PTPRD: variants seen among roughly 807,000 people sequenced by gnomAD.
The protein encoded by PTPRD is protein tyrosine phosphatase receptor type D.
In PTPRD, 34 loss-of-function variants were observed where a neutral mutation model predicts 214.5. That is an observed-to-expected ratio of 0.16 (90% CI 0.12 to 0.21). The LOEUF is 0.21. Ranked by LOEUF, PTPRD falls within the 10% of genes least tolerant of loss-of-function variation. The pLI, the probability that PTPRD is intolerant of heterozygous loss-of-function variation, is 1.00. For synonymous variants in PTPRD, 1,128 were observed against 845.7 expected, an observed-to-expected ratio of 1.33 and a Z score of -5.79; for missense variants, 2,545 against 2,398.7, an observed-to-expected ratio of 1.06 and a Z score of -1.27.
chr9:9,602,332 T>G (rs2093834389), intron 7 of PTPRD, among the ~76,000 whole-genome samples: 1 of 152,072 alleles, frequency 6.6e-6, no homozygotes, highest in Non-Finnish European at 1.5e-5. Context: ...AAATATTTAA[T>G]ATAATAACAA....
intron 12 of PTPRD, among the ~76,000 whole-genome samples, chr9:8,648,911 T>A (rs1362127309): frequency 2.0e-5 from 3 of 152,224 alleles, no homozygotes; most frequent in African/African-American, 7.2e-5. Flanking sequence ...TCATTAATCA[T>A]AATTTATCAC....
chr9:9,046,389 T>A (rs1254956351), intron 10 of PTPRD, among the ~76,000 whole-genome samples: 1 of 152,198 alleles, frequency 6.6e-6, no homozygotes. Flanking sequence ...ATTGTTTTTA[T>A]AAAATTTTCT....
At chr9:10,058,895 C>G (rs1236011232) in intron 3 of PTPRD, among the ~76,000 whole-genome samples, 2 of 151,986 alleles carry the variant, frequency 1.3e-5, no homozygotes, top group Non-Finnish European at 2.9e-5. Flanking sequence ...ATAAAATAAC[C>G]TTAACTGAGA....
intron 11 of PTPRD, among the ~76,000 whole-genome samples, chr9:8,758,419 G>C (rs959926151): frequency 6.6e-6 from 1 of 152,066 alleles, no homozygotes; most frequent in African/African-American, 2.4e-5. Flanking sequence ...ATACAAATTA[G>C]GGTATGATAT....
At chr9:9,814,159 G>C (rs2048010408) in intron 5 of PTPRD, among the ~76,000 whole-genome samples, 1 of 151,978 alleles carries the variant, frequency 6.6e-6, no homozygotes, top group Admixed American at 6.6e-5. Flanking sequence ...CATAATAAAA[G>C]CCACATGTGA....
At chr9:8,414,309 A>T (rs1447201848) in intron 35 of PTPRD, among the ~76,000 whole-genome samples, 1 of 152,146 alleles carries the variant, frequency 6.6e-6, no homozygotes, top group African/African-American at 2.4e-5. Flanking sequence ...CTAAGCTATC[A>T]CCTGTGACAG....
At chr9:8,569,155 C>T (rs1204309617) in intron 14 of PTPRD, among the ~76,000 whole-genome samples, 1 of 152,092 alleles carries the variant, frequency 6.6e-6, no homozygotes, top group African/African-American at 2.4e-5. Context: ...GTGAAACTCT[C>T]TTTAGATACC....
At chr9:8,397,097 T>G (rs572743619) in intron 36 of PTPRD, among the ~76,000 whole-genome samples, 1 of 152,250 alleles carries the variant, frequency 6.6e-6, no homozygotes, top group East Asian at 1.9e-4. Context: ...ACTCAACAAA[T>G]AATTGGACAG....
chr9:8,394,098 G>T (rs1019664520), intron 36 of PTPRD, among the ~76,000 whole-genome samples: 1 of 151,914 alleles, frequency 6.6e-6, no homozygotes, highest in Non-Finnish European at 1.5e-5. Flanking sequence ...TTGATTGCTA[G>T]TTACAGTTTT....
chr9:8,811,497 T>C (rs1009355778), intron 11 of PTPRD, among the ~76,000 whole-genome samples: 4 of 152,218 alleles, frequency 2.6e-5, no homozygotes, highest in African/African-American at 4.8e-5. Flanking sequence ...AACAAAGCTC[T>C]GTTAGCTATA....
chr9:8,805,139 T>G (rs945480024), intron 11 of PTPRD, among the ~76,000 whole-genome samples: 1 of 152,050 alleles, frequency 6.6e-6, no homozygotes, highest in Non-Finnish European at 1.5e-5. Flanking sequence ...ATAAGAAGAA[T>G]GAAAGAAAAA....
intron 3 of PTPRD, among the ~76,000 whole-genome samples, chr9:10,044,832 G>C (rs1283113340): frequency 1.3e-5 from 2 of 151,666 alleles, no homozygotes; most frequent in Non-Finnish European, 3.0e-5. Context: ...GAATAGACAA[G>C]ACATGATTTT....
intron 10 of PTPRD, among the ~76,000 whole-genome samples, chr9:9,120,516 C>T (rs979980786): frequency 1.3e-5 from 2 of 152,170 alleles, no homozygotes; most frequent in Non-Finnish European, 2.9e-5. Flanking sequence ...CTGTGCATGC[C>T]TCCATTGCAT....
chr9:9,376,252 T>C (rs1207664166), intron 9 of PTPRD, among the ~76,000 whole-genome samples: 1 of 152,126 alleles, frequency 6.6e-6, no homozygotes, highest in Non-Finnish European at 1.5e-5. Flanking sequence ...GTAAAATTGT[T>C]TTCTCTATGG....
intron 14 of PTPRD, among the ~76,000 whole-genome samples, chr9:8,627,243 A>C (rs1238353227): frequency 6.6e-6 from 1 of 151,794 alleles, no homozygotes; most frequent in African/African-American, 2.4e-5. Context: ...CTTGTATATA[A>C]AGTAAAAATC....
chr9:9,381,884 G>T (rs1596759015), intron 9 of PTPRD, among the ~76,000 whole-genome samples: 1 of 146,786 alleles, frequency 6.8e-6, no homozygotes, highest in African/African-American at 2.5e-5. Context: ...GTGAAATTTA[G>T]TATTGTTTTG....
At chr9:8,321,440 G>T (rs1311538212) in intron 44 of PTPRD, among the ~76,000 whole-genome samples, 3 of 135,840 alleles carry the variant, frequency 2.2e-5, no homozygotes, top group Non-Finnish European at 4.7e-5. Context: ...CTAAATAAGA[G>T]GAAATATATA....
intron 9 of PTPRD, among the ~76,000 whole-genome samples, chr9:9,299,671 C>T (rs1221117695): frequency 2.0e-5 from 3 of 151,586 alleles, no homozygotes; most frequent in African/African-American, 7.2e-5. Context: ...GTGACTTGTG[C>T]CCAAAGTATT....
In PTPRD at chr9:10,466,486, G is replaced by C. The variant is rs777309626; in HGVS notation, c.-599-125469C>G. On this transcript the variant is annotated intron_variant, in intron 2 of 45. Transcript: ENST00000381196. ...TAAAAATACAAAATTGACCAGGCGT[G>C]GTGGCGCATGCCTGTAATCCCAGCT... Among the ~76,000 whole-genome samples the C allele has an allele frequency of 3.4e-4, 52 of 151,818 alleles. 1 individual carries two copies. The highest frequency in any genetic ancestry group is 1.9e-4 in the Non-Finnish European group (13 of 67,984).
Sources: allele counts gnomAD v4.1 joint callset (sites outside exome capture counted in the v4.1 genomes callset), GRCh38; gene constraint gnomAD v4.1.1; transcripts MANE v1.5; gene names NCBI Gene and HGNC (gene_info 2026-07-23, HGNC 2026-07-21).